The following CALN1 variants were observed in gnomAD, a reference collection of about 807,000 sequenced individuals.
The protein encoded by CALN1 is calneuron 1, also known as calcium-binding protein 8.
CALN1 carries 17 observed loss-of-function variants against 30.6 expected under a neutral mutation model. The ratio of observed to expected loss-of-function variants is 0.56; its 90% CI spans 0.38 to 0.83. The LOEUF (loss-of-function observed/expected upper bound fraction) is 0.83. Ranked by LOEUF, CALN1 falls within the 40% of genes least tolerant of loss-of-function variation. The probability of loss-of-function intolerance (pLI) is 0.00; values close to 1 mark genes in which losing one functional copy is unlikely to be tolerated. For missense variants in CALN1, 291 were observed against 354.9 expected (o/e 0.82, Z 1.45); for synonymous variants, 156 against 131.4 (o/e 1.19, Z -1.28).
chr7:72,110,618 G>GTGTC (rs904793186), intron 3 of CALN1, among the ~76,000 whole-genome samples: 2 of 150,664 alleles, frequency 1.3e-5, no homozygotes, highest in African/African-American at 2.4e-5. Flanking sequence ...GTGAGTGTGT[G>GTGTC]TGTCTGTCTG....
chr7:72,207,030 C>T (rs927526585), intron 3 of CALN1, among the ~76,000 whole-genome samples: 2 of 152,196 alleles, frequency 1.3e-5, no homozygotes, highest in Non-Finnish European at 2.9e-5. Flanking sequence ...TCTATATCAT[C>T]TCTAACATCA....
intron 2 of CALN1, among the ~76,000 whole-genome samples, chr7:72,371,294 C>T (rs1292444223): frequency 1.3e-5 from 2 of 152,080 alleles, no homozygotes; most frequent in African/African-American, 2.4e-5. Context: ...TGCATGTATG[C>T]ATATGATATG....
At chr7:72,365,401 C>T (rs1389312641) in intron 2 of CALN1, among the ~76,000 whole-genome samples, 1 of 152,038 alleles carries the variant, frequency 6.6e-6, no homozygotes, top group Non-Finnish European at 1.5e-5. Flanking sequence ...GGGAAAACAA[C>T]AATAAACAAC....
At chr7:71,996,061 C>T (rs941101163) in intron 5 of CALN1, among the ~76,000 whole-genome samples, 1 of 152,116 alleles carries the variant, frequency 6.6e-6, no homozygotes, top group Non-Finnish European at 1.5e-5. Context: ...CCTGTATAAA[C>T]CAGGCTGGCT....
chr7:72,321,059 A>C (rs1409341519), intron 2 of CALN1, among the ~76,000 whole-genome samples: 1 of 152,160 alleles, frequency 6.6e-6, no homozygotes, highest in Non-Finnish European at 1.5e-5. Flanking sequence ...CACTTACATA[A>C]CCATAAGCTG....
At chr7:72,238,639 T>C (rs141086134) in intron 3 of CALN1, among the ~76,000 whole-genome samples, 4 of 152,262 alleles carry the variant, frequency 2.6e-5, no homozygotes, top group African/African-American at 9.6e-5. Context: ...GTTCTCATGA[T>C]AGTGAGTGAG....
In CALN1 at chr7:72,278,959, AG is replaced by A. The variant is rs1445868694; in HGVS notation, c.120-150del. On this transcript the variant is annotated intron_variant, in intron 2 of 6. Coordinates refer to ENST00000395275, the MANE Select transcript of CALN1 (RefSeq NM_031468.4). ...CTAGTGGGAAAGTCAAGATATTTCC[AG>A]GGTCCCAATGACCTGAGCAATTTCC... 12 of 1,208,022 alleles carry A rather than the reference AG, an allele frequency of 9.9e-6. No individual in the cohort carries two copies. The South Asian group carries it at 1.7e-4, about 17-fold the overall frequency. 74.8% of individuals were successfully genotyped at this position (1,208,022 alleles called of 1,614,324 possible).
At chr7:72,261,462 AGGCTGGAGTGCAGT>A (rs897516158) in intron 3 of CALN1, among the ~76,000 whole-genome samples, 4 of 151,908 alleles carry the variant, frequency 2.6e-5, no homozygotes, top group South Asian at 2.1e-4. Flanking sequence ...TCTGTTGCCA[AGGCTGGAGTGCAGT>A]GGCTGGAGTG....
At chr7:72,492,223 T>C in the CALN1 span, among the ~76,000 whole-genome samples, 1 of 152,232 alleles carries the variant, frequency 6.6e-6, no homozygotes, top group Non-Finnish European at 1.5e-5. Context: ...CAATAGCTCA[T>C]GGAATTTAAA....
chr7:72,024,666 T>C (rs1800935569), intron 4 of CALN1, among the ~76,000 whole-genome samples: 1 of 152,162 alleles, frequency 6.6e-6, no homozygotes, highest in African/African-American at 2.4e-5. Flanking sequence ...CTCAAAGTGC[T>C]GGGATTACAG....
intron 2 of CALN1, among the ~76,000 whole-genome samples, chr7:72,398,549 G>C (rs530476862): frequency 1.3e-5 from 2 of 152,222 alleles, no homozygotes; most frequent in African/African-American, 4.8e-5. Flanking sequence ...CATAGTGGTA[G>C]GGTTATTTAG....
At chr7:72,320,203 G>C (rs1181304861) in intron 2 of CALN1, among the ~76,000 whole-genome samples, 2 of 152,162 alleles carry the variant, frequency 1.3e-5, no homozygotes, top group Admixed American at 1.3e-4. Flanking sequence ...CAGGCAGAGA[G>C]GGAGGGCCAA....
intron 5 of CALN1, among the ~76,000 whole-genome samples, chr7:71,979,017 G>A (rs1457996982): frequency 1.3e-5 from 2 of 152,092 alleles, no homozygotes; most frequent in African/African-American, 4.8e-5. Flanking sequence ...CAGAGAAAGT[G>A]CAAATTTAAT....
Position 72,407,029 on chromosome 7 carries a change from T to C in CALN1, c.-73-3587A>G, listed in dbSNP as rs187364984. Among the ~76,000 whole-genome samples the C allele has an allele frequency of 1.5e-4, 23 of 152,272 alleles. No homozygotes were observed. The East Asian group carries it at 2.5e-3, about 17-fold the overall frequency. On this transcript the variant is annotated intron_variant, in intron 1 of 6. Coordinates refer to ENST00000395275, the MANE Select transcript of CALN1 (RefSeq NM_031468.4). ...GGCTCAGACCAGTAGGAGGCACTCT[T>C]ATCCACCCAAAAAGTGATGTAGCCC...
chr7:72,115,897 T>C (rs527625445), intron 3 of CALN1, among the ~76,000 whole-genome samples: 1 of 152,226 alleles, frequency 6.6e-6, no homozygotes, highest in South Asian at 2.1e-4. Context: ...TTAGCTCCCA[T>C]ATATGAATGA....
chr7:72,025,927 T>C (rs1221228073), intron 4 of CALN1, among the ~76,000 whole-genome samples: 1 of 151,866 alleles, frequency 6.6e-6, no homozygotes, highest in Non-Finnish European at 1.5e-5. Context: ...CCAGCAGAGG[T>C]AAAATTTCCT....
intron 1 of CALN1, among the ~76,000 whole-genome samples, chr7:72,410,558 G>A (rs1240027887): frequency 6.6e-6 from 1 of 152,136 alleles, no homozygotes; most frequent in East Asian, 1.9e-4. Flanking sequence ...ACTGAAATGA[G>A]CTTTTCAAAT....
At chr7:71,828,655 CAT>C (rs139721128) in intron 5 of CALN1, among the ~76,000 whole-genome samples, 2,492 of 146,892 alleles carry the variant, frequency 0.017, 66 homozygotes, top group African/African-American at 0.056. Flanking sequence ...GAACTTCTTA[CAT>C]ATATATATAT....
chr7:72,179,389 C>T (rs894686792), intron 3 of CALN1, among the ~76,000 whole-genome samples: 1 of 152,142 alleles, frequency 6.6e-6, no homozygotes, highest in Non-Finnish European at 1.5e-5. Context: ...GCAAATACAT[C>T]TGCCCCCAAA....
Sources: gnomAD v4.1 joint callset for allele counts (sites outside exome capture counted in the v4.1 genomes callset) on GRCh38, gnomAD v4.1.1 for gene constraint, MANE v1.5 for transcripts, NCBI Gene and HGNC (gene_info 2026-07-23, HGNC 2026-07-21) for gene names.